The following HELB variants were observed in gnomAD, a reference collection of about 807,000 sequenced individuals.
The protein encoded by HELB is DNA helicase B, also known as DNA 5'-3' helicase B.
In HELB, 96 loss-of-function variants were observed where a neutral mutation model predicts 101.7. That is an observed-to-expected ratio of 0.94 (90% confidence interval 0.80 to 1.12). The LOEUF is 1.12. HELB is among the 50% of genes most tolerant of loss of function. The pLI is 0.00. For synonymous variants in HELB, 437 were observed against 459.7 expected (o/e 0.95, Z 0.63); for missense variants, 1,210 against 1,291.9 (o/e 0.94, Z 0.97).
chr12:66,318,139 G>T (rs1196290484), intron 6 of HELB, among the ~76,000 whole-genome samples: 1 of 152,132 alleles, frequency 6.6e-6, no homozygotes, highest in East Asian at 1.9e-4. Flanking sequence ...TATGGAAAAG[G>T]CCTGAACCAG....
chr12:66,302,651 C>T lies in HELB; in HGVS notation c.48C>T (p.Leu16=). ...TGCGCCAACTTCAGGGACCTCTGCT[C>T]CCACCCAGGGATCTGGTGGAGGAGG... ...PYLRQLQGPL[L]PPRDLVEEDD... is the part of the protein sequence containing the mutation. The change falls in exon 1 of 13, where the codon CTC becomes CTT. Residue 16 remains leucine, a synonymous_variant. Coordinates refer to ENST00000247815, the MANE Select transcript of HELB (RefSeq NM_001370285.1). 1 of 1,614,134 alleles carries T rather than the reference C, an allele frequency of 6.2e-7. No individual in the cohort carries two copies. Among genetic ancestry groups the T allele is most frequent in the South Asian group, 1.1e-5 (1 of 91,070 alleles).
chr12:66,312,735 C>G (rs750423710), intron 4 of HELB, among the ~76,000 whole-genome samples: 15 of 152,210 alleles, frequency 9.9e-5, no homozygotes, highest in Non-Finnish European at 2.1e-4. Flanking sequence ...GGAAAGAGCA[C>G]TGGAGTGCCA....
intron 1 of HELB, among the ~76,000 whole-genome samples, chr12:66,303,470 A>G (rs1052269915): frequency 6.6e-6 from 1 of 151,914 alleles, no homozygotes; most frequent in Non-Finnish European, 1.5e-5. Context: ...AACAACAACA[A>G]CAAAACTACA....
At chr12:66,307,552 G>T (rs2053491405) in intron 3 of HELB, among the ~76,000 whole-genome samples, 1 of 152,000 alleles carries the variant, frequency 6.6e-6, no homozygotes, top group Non-Finnish European at 1.5e-5. Flanking sequence ...AACATTTATT[G>T]AGACCTTACC....
Position 66,310,463 on chromosome 12 carries a change from A to C in HELB, c.1535A>C (p.Asn512Thr). The change falls in exon 4 of 13, where the codon AAT (asparagine) becomes ACT (threonine). Residue 512 changes from asparagine to threonine, a missense_variant. Physicochemically the swap from Asn to Thr is moderately conservative, Grantham distance 65. Coordinates refer to ENST00000247815, the MANE Select transcript of HELB (RefSeq NM_001370285.1). The stretch of plus-strand genomic sequence containing the variant: ...TGTGAAGATTTTGAACAAGACCAGA[A>C]TGCTTCAGAAGAATGGATTACCTTT... ...KACEDFEQDQ[N>T]ASEEWITFTE... 1 of 1,614,176 alleles carries C rather than the reference A, an allele frequency of 6.2e-7. No homozygotes were observed. The highest frequency in any genetic ancestry group is 8.5e-7 in the Non-Finnish European group (1 of 1,180,024).
At chr12:66,334,592 T>G (rs1171959788) in intron 12 of HELB, among the ~76,000 whole-genome samples, 2 of 151,284 alleles carry the variant, frequency 1.3e-5, no homozygotes. Flanking sequence ...CTGAGCAACA[T>G]GGCGAAACCC....
rs2053492851 is a variant in HELB, at chr12:66,307,696, G to A, written c.777+1182G>A. Among the ~76,000 whole-genome samples, 7 of 151,744 alleles carry A rather than the reference G, an allele frequency of 4.6e-5. 1 individual carries two copies. The South Asian group carries it at 1.5e-3, about 32-fold the overall frequency. On this transcript the variant is annotated intron_variant, in intron 3 of 12. Transcript: ENST00000247815. ...GAGGCTATGTCTATCAAGATCCTAGGGCCAGCCTTCTTCCTTCCCTGCCAC... is the reference window on the plus strand; with the variant it reads ...GAGGCTATGTCTATCAAGATCCTAGAGCCAGCCTTCTTCCTTCCCTGCCAC...
At chr12:66,313,858 T>A (rs2053570037) in intron 4 of HELB, 128 bp from the exon 5 acceptor site, 1 of 734,924 alleles carries the variant, frequency 1.4e-6, no homozygotes, top group African/African-American at 1.8e-5. Context: ...ACCCTATAAC[T>A]TTTGTGTTTC....
intron 6 of HELB, among the ~76,000 whole-genome samples, chr12:66,317,805 C>T (rs1329747146): frequency 6.6e-6 from 1 of 152,186 alleles, no homozygotes; most frequent in African/African-American, 2.4e-5. Flanking sequence ...CCAATTAAAT[C>T]TGGGCTATCG....
chr12:66,336,818 T>C (rs1311127663), intron 12 of HELB, among the ~76,000 whole-genome samples: 1 of 152,168 alleles, frequency 6.6e-6, no homozygotes, highest in Admixed American at 6.5e-5. Flanking sequence ...AGGTCGTAGA[T>C]TCTTCTGATT....
At chr12:66,323,917 A>T in intron 9 of HELB, 66 bp from the exon 10 acceptor site, 1 of 1,006,000 alleles carries the variant, frequency 9.9e-7, no homozygotes, top group Non-Finnish European at 1.6e-6. Flanking sequence ...AGTAGTAGTT[A>T]ATGTTTGAAC....
chr12:66,324,627 A>G (rs2053714219), intron 10 of HELB: 2 of 303,162 alleles, frequency 6.6e-6, no homozygotes, highest in Non-Finnish European at 1.3e-5. Context: ...CACAGTGTAG[A>G]TACCCTCACT....
At chr12:66,322,687 A>G in intron 8 of HELB, 37 bp from the exon 9 acceptor site, 2 of 1,422,028 alleles carry the variant, frequency 1.4e-6, no homozygotes, top group Non-Finnish European at 2.0e-6. Context: ...TGTAGCAGAG[A>G]CCATTAAGGT....
chr12:66,319,851 A>C (rs1002423737), intron 7 of HELB, among the ~76,000 whole-genome samples: 3 of 151,112 alleles, frequency 2.0e-5, no homozygotes, highest in African/African-American at 7.3e-5. Context: ...AAATGCGATC[A>C]TACATAGTGT....
chr12:66,311,157 G>A (rs1214033808), intron 4 of HELB, among the ~76,000 whole-genome samples: 13 of 144,882 alleles, frequency 9.0e-5, no homozygotes, highest in African/African-American at 5.2e-5. Flanking sequence ...AAGTCTTATG[G>A]AAAAAAAAAA....
At chr12:66,336,898 G>A (rs561971593) in intron 12 of HELB, among the ~76,000 whole-genome samples, 73 of 152,300 alleles carry the variant, frequency 4.8e-4, no homozygotes, top group Admixed American at 1.4e-3. Flanking sequence ...TATTGACTGA[G>A]GTTTAGTGGA....
At chr12:66,333,690 C>T (rs1364396637) in intron 12 of HELB, among the ~76,000 whole-genome samples, 3 of 151,728 alleles carry the variant, frequency 2.0e-5, no homozygotes, top group Non-Finnish European at 2.9e-5. Flanking sequence ...ATCTCAAAAA[C>T]AAAACAAAAC....
chr12:66,337,350 C>A (rs1311049899), intron 12 of HELB, among the ~76,000 whole-genome samples: 1 of 152,108 alleles, frequency 6.6e-6, no homozygotes, highest in Non-Finnish European at 1.5e-5. Flanking sequence ...AACTTGTCAT[C>A]TCTTACAGAG....
At chr12:66,330,898 T>C (rs561547713) in intron 11 of HELB, among the ~76,000 whole-genome samples, 1 of 152,250 alleles carries the variant, frequency 6.6e-6, no homozygotes, top group East Asian at 1.9e-4. Flanking sequence ...CTGCATGCAG[T>C]CTTTAAAATT....
Sources: gnomAD v4.1 joint callset for allele counts (sites outside exome capture counted in the v4.1 genomes callset) on GRCh38, gnomAD v4.1.1 for gene constraint, MANE v1.5 for transcripts, NCBI Gene and HGNC (gene_info 2026-07-23, HGNC 2026-07-21) for gene names.